Variants in USP33 observed in about 807,000 individuals in gnomAD.
USP33 encodes ubiquitin specific peptidase 33.
USP33 carries 46 observed loss-of-function variants against 124.2 expected under a neutral mutation model. That is an observed-to-expected ratio of 0.37 (90% confidence interval 0.29 to 0.47). USP33 has a LOEUF of 0.47. Ranked by LOEUF, USP33 falls within the 20% of genes least tolerant of loss-of-function variation. The pLI, the probability that USP33 is intolerant of heterozygous loss-of-function variation, is 0.99. For missense variants in USP33, 851 were observed against 1,070.6 expected, an observed-to-expected ratio of 0.79 and a Z score of 2.86; for synonymous variants, 350 against 352.3, an observed-to-expected ratio of 0.99 and a Z score of 0.07.
rs1425868330 is a variant in USP33, at chr1:77,725,711, G to C, written c.1187C>G (p.Pro396Arg). 1 of 1,613,908 alleles carries C rather than the reference G, an allele frequency of 6.2e-7. No individual in the cohort carries two copies. Among genetic ancestry groups the C allele is most frequent in the African/African-American group, 1.3e-5 (1 of 74,918 alleles). ...ACGTGGATTAACACCTTCATTTGAT[G>C]GAAGGATCTGTGGTGTAGACAGGTC... The part of the protein sequence containing the change: ...SNDLSTPQIL[P>R]SNEGVNPRLS... Residue 396 changes from proline (P) to arginine (R), a missense_variant, in exon 11 of 24, where the codon CCA becomes CGA. By Grantham distance (103) the Pro-to-Arg change is moderately radical. This residue lies in a region of USP33 where 207 missense variants were observed against 200.9 expected (regional missense o/e 1.03). Coordinates refer to ENST00000370794, the MANE Select transcript of USP33 (RefSeq NM_201624.3).
intron 1 of USP33, among the ~76,000 whole-genome samples, chr1:77,743,703 G>C (rs1194049620): frequency 6.6e-6 from 1 of 152,170 alleles, no homozygotes; most frequent in Non-Finnish European, 1.5e-5. Flanking sequence ...AAGCCTTTAA[G>C]GGTTGTTGGT....
intron 20 of USP33, 40 bp downstream of exon 20, chr1:77,713,160 G>C: frequency 6.5e-7 from 1 of 1,542,998 alleles, no homozygotes; most frequent in Non-Finnish European, 8.8e-7. Flanking sequence ...CAGTTTAACC[G>C]ACTTTCACAA....
chr1:77,720,463 C>T, intron 15 of USP33: 1 of 985,368 alleles, frequency 1.0e-6, no homozygotes, highest in Non-Finnish European at 1.2e-6. Context: ...TCTTTATCAA[C>T]CAAATAGTAT....
intron 7 of USP33, among the ~76,000 whole-genome samples, chr1:77,732,812 T>G (rs1287410737): frequency 1.3e-5 from 2 of 149,080 alleles, no homozygotes; most frequent in Non-Finnish European, 3.0e-5. Flanking sequence ...TTTTTTTTTT[T>G]TGACGGAGTC....
At chr1:77,735,411 T>A (rs559944322) in intron 6 of USP33, among the ~76,000 whole-genome samples, 1 of 152,308 alleles carries the variant, frequency 6.6e-6, no homozygotes, top group East Asian at 1.9e-4. Context: ...TTACCACTTA[T>A]TGATAAGTAT....
rs571249004 is a variant in USP33 at position 77,735,916 on chromosome 1, T to A, written c.454+140A>T. On this transcript the variant is annotated intron_variant, in intron 6 of 23. Transcript: ENST00000370794. ...AAAAGTTTGTTTTGCAAATAAAATTTTACTAGGCCAAATTTCAGAGTCCTT... is the reference window on the plus strand; with the variant it reads ...AAAAGTTTGTTTTGCAAATAAAATTATACTAGGCCAAATTTCAGAGTCCTT... 31 of 558,036 alleles carry A rather than the reference T, an allele frequency of 5.6e-5. 1 individual carries two copies. In the African/African-American group the frequency reaches 5.7e-4, roughly 10 times the overall value. The allele number at this position is 558,036 out of a possible 1,614,324, so 34.6% of individuals were successfully genotyped here. A position where few individuals can be genotyped will look rare whatever the true frequency, so the allele number is the denominator to read the frequency against.
At chr1:77,716,358 C>CG (rs1346020731) in intron 17 of USP33, among the ~76,000 whole-genome samples, 1 of 152,172 alleles carries the variant, frequency 6.6e-6, no homozygotes, top group Non-Finnish European at 1.5e-5. Context: ...TTAACACCTG[C>CG]GGGGGTCTGT....
chr1:77,718,809 G>C (rs1676214897), intron 15 of USP33, 168 bp from the exon 16 acceptor site: 2 of 545,852 alleles, frequency 3.7e-6, no homozygotes, highest in Non-Finnish European at 6.6e-6. Context: ...CATGCCTGTA[G>C]TCCCAGATAC....
intron 1 of USP33, among the ~76,000 whole-genome samples, chr1:77,749,797 A>G (rs1042535832): frequency 6.6e-6 from 1 of 152,220 alleles, no homozygotes; most frequent in African/African-American, 2.4e-5. Flanking sequence ...TGAAATGTAG[A>G]TGTTCTTCTC....
chr1:77,753,684 G>A lies in USP33; in HGVS notation c.-52+5959C>T, dbSNP rs114777780. ...TGGAGCAAGGCTCCACTATCTCCTA[G>A]ATTTGGGACCAGTGGTAAGTTTCTT... On this transcript the variant is annotated intron_variant, in intron 1 of 23. Transcript: ENST00000370794. 7.2e-3 allele frequency among the ~76,000 whole-genome samples: 1,087 copies of A among 151,912 alleles called. 15 individuals are homozygous for A. Among genetic ancestry groups the A allele is most frequent in the African/African-American group, 0.024 (1,011 of 41,526 alleles).
intron 20 of USP33, 110 bp downstream of exon 20, chr1:77,713,090 G>A (rs1462341826): frequency 1.2e-6 from 1 of 837,560 alleles, no homozygotes; most frequent in Non-Finnish European, 1.9e-6. Flanking sequence ...AATAAGTAAG[G>A]GAAAAGAATA....
intron 1 of USP33, among the ~76,000 whole-genome samples, chr1:77,758,972 C>G (rs1681064619): frequency 6.6e-6 from 1 of 152,152 alleles, no homozygotes; most frequent in Non-Finnish European, 1.5e-5. Flanking sequence ...TCTCATCGTC[C>G]AAGAGCTCAA....
At chr1:77,701,590 A>G in intron 21 of USP33, 119 bp from the exon 22 acceptor site, 1 of 764,964 alleles carries the variant, frequency 1.3e-6, no homozygotes, top group Non-Finnish European at 2.2e-6. Flanking sequence ...AGGCAGGAGG[A>G]GTCCTTGAAC....
chr1:77,735,993 T>C (rs1336392103), intron 6 of USP33, 63 bp downstream of exon 6: 6 of 1,213,074 alleles, frequency 4.9e-6, no homozygotes, highest in South Asian at 1.8e-5. Flanking sequence ...ACTTTTACAT[T>C]ATATGGTTTT....
At chr1:77,706,328 C>T (rs1674624329) in intron 21 of USP33, among the ~76,000 whole-genome samples, 1 of 152,128 alleles carries the variant, frequency 6.6e-6, no homozygotes, top group African/African-American at 2.4e-5. Flanking sequence ...GCTTATTAGA[C>T]CTATCTTCTT....
At chr1:77,758,175 CTTTTTTT>C (rs1185358841) in intron 1 of USP33, among the ~76,000 whole-genome samples, 1 of 94,284 alleles carries the variant, frequency 1.1e-5, no homozygotes, top group East Asian at 3.0e-4. Context: ...TTGTACTGTC[CTTTTTTT>C]TTTTTTTTTT....
At chr1:77,713,370 A>T in intron 19 of USP33, 89 bp from the exon 20 acceptor site, 1 of 1,058,810 alleles carries the variant, frequency 9.4e-7, no homozygotes, top group South Asian at 1.4e-5. Flanking sequence ...CAGTAACTAA[A>T]TGACAGATCA....
intron 21 of USP33, among the ~76,000 whole-genome samples, chr1:77,702,004 G>C (rs978814165): frequency 1.6e-4 from 25 of 151,880 alleles, no homozygotes; most frequent in Non-Finnish European, 3.2e-4. Context: ...AGCTGTGTGA[G>C]GTGATTTGCA....
chr1:77,713,298 A>G lies in USP33; in HGVS notation c.2216-17T>C, dbSNP rs924230004. ...GAGGAACACCTAAAAAAATATATAAACATATCTGTTTCATGCTTTTAATTA... is the reference window on the plus strand; with the variant it reads ...GAGGAACACCTAAAAAAATATATAAGCATATCTGTTTCATGCTTTTAATTA... On this transcript the variant is annotated splice_polypyrimidine_tract_variant and intron_variant, in intron 19 of 23. Transcript: ENST00000370794. The G allele has an allele frequency of 1.3e-6, 2 of 1,560,320 alleles. No homozygotes were observed. The highest frequency in any genetic ancestry group is 1.2e-5 in the South Asian group (1 of 84,246).
Sources: allele counts gnomAD v4.1 joint callset (sites outside exome capture counted in the v4.1 genomes callset), GRCh38; gene constraint gnomAD v4.1.1; regional missense constraint gnomAD v4.1.1; transcripts MANE v1.5; gene names NCBI Gene and HGNC (gene_info 2026-07-23, HGNC 2026-07-21).